Variants in TAPBPL observed in about 807,000 individuals in gnomAD.
TAPBPL encodes TAP binding protein like.
Under a neutral mutation model 44.8 loss-of-function variants are expected in TAPBPL, and 32 were observed. That is an observed-to-expected ratio of 0.71 (90% CI 0.54 to 0.96). The LOEUF is 0.96. Among genes scored for constraint, TAPBPL ranks in the 40% least tolerant of loss-of-function variants. The probability of loss-of-function intolerance (pLI) is 0.00; values close to 1 mark genes in which losing one functional copy is unlikely to be tolerated. For synonymous variants in TAPBPL, 230 were observed against 240.7 expected, an observed-to-expected ratio of 0.96 and a Z score of 0.41; for missense variants, 520 against 586.6, an observed-to-expected ratio of 0.89 and a Z score of 1.17.
At chr12:6,470,105 C>T (rs928441552), downstream of TAPBPL, among the ~76,000 whole-genome samples, 3 of 152,132 alleles carry the variant, frequency 2.0e-5, no homozygotes, top group African/African-American at 4.8e-5. Context: ...ACATAAGTTA[C>T]CAACTGGCAG....
At chr12:6,461,133 T>TA in intron 6 of TAPBPL, 195 bp downstream of exon 6, 2 of 1,407,368 alleles carry the variant, frequency 1.4e-6, no homozygotes, top group Non-Finnish European at 1.8e-6. Flanking sequence ...GCTACCTCAC[T>TA]AAAGTCTGTC....
downstream of TAPBPL, chr12:6,471,061 C>G (rs968336796): frequency 6.4e-6 from 1 of 157,156 alleles, no homozygotes; most frequent in Non-Finnish European, 1.4e-5. The surrounding 1 kb of genome is among the most constrained non-coding windows in gnomAD (Gnocchi z 4.0). Flanking sequence ...GGGACTCGCG[C>G]ATTCAGCTGG....
In TAPBPL at chr12:6,458,519, T is replaced by C. The variant is rs186280513; in HGVS notation, c.905-126T>C. 23 of 1,190,168 alleles carry C rather than the reference T, an allele frequency of 1.9e-5. 1 individual carries two copies. In the South Asian group the frequency reaches 3.3e-4, roughly 17 times the overall value. The allele number at this position is 1,190,168 out of a possible 1,614,324, so 73.7% of individuals were successfully genotyped here. A position where few individuals can be genotyped will look rare whatever the true frequency, so the allele number is the denominator to read the frequency against. On this transcript the variant is annotated intron_variant, in intron 4 of 6. Coordinates refer to ENST00000266556, the MANE Select transcript of TAPBPL (RefSeq NM_018009.5). ...GGCCCCTCACACACCCCCGCCTTGG[T>C]ACACCACCAAGGGACACTGTAGCCT...
chr12:6,456,903 T>C (rs1229701486), intron 3 of TAPBPL, among the ~76,000 whole-genome samples: 1 of 152,174 alleles, frequency 6.6e-6, no homozygotes, highest in African/African-American at 2.4e-5. Context: ...TCCACCCACC[T>C]CGGCCCCCCA....
At chr12:6,471,277 A>T (rs73042333), downstream of TAPBPL, among the ~76,000 whole-genome samples, 7,488 of 152,210 alleles carry the variant, frequency 0.049, 287 homozygotes, top group Non-Finnish European at 0.081. The surrounding 1 kb of genome is among the most constrained non-coding windows in gnomAD (Gnocchi z 4.0). Flanking sequence ...CTTTCAACAT[A>T]GCCTTCCTAA....
chr12:6,460,322 G>A (rs1949816574), intron 5 of TAPBPL, among the ~76,000 whole-genome samples: 1 of 152,156 alleles, frequency 6.6e-6, no homozygotes, highest in Non-Finnish European at 1.5e-5. Flanking sequence ...CTGGAGTGCA[G>A]TGGCACGATC....
chr12:6,457,991 A>G (rs1187662682), intron 4 of TAPBPL, among the ~76,000 whole-genome samples: 1 of 152,136 alleles, frequency 6.6e-6, no homozygotes, highest in Non-Finnish European at 1.5e-5. Context: ...GGCTGTCTCC[A>G]TCACCCCAGT....
At chr12:6,454,400 G>C (rs969123093) in intron 3 of TAPBPL, among the ~76,000 whole-genome samples, 1 of 152,030 alleles carries the variant, frequency 6.6e-6, no homozygotes, top group African/African-American at 2.4e-5. Flanking sequence ...CCTGAGAGAC[G>C]GTGGTTGCAG....
intron 1 of TAPBPL, 74 bp downstream of exon 1, chr12:6,452,386 T>C (rs1949572469): frequency 6.6e-7 from 1 of 1,522,204 alleles, no homozygotes; most frequent in East Asian, 2.5e-5. Flanking sequence ...CTCCCCGAGA[T>C]TCCAGAAGAG....
downstream of TAPBPL, chr12:6,462,713 G>A: frequency 1.9e-6 from 2 of 1,079,390 alleles, no homozygotes; most frequent in Non-Finnish European, 2.7e-6. Context: ...ACACATCGAG[G>A]ACAGTGGTGG....
Position 6,452,066 on chromosome 12 carries a change from G to A in TAPBPL, c.-183G>A. The A allele has an allele frequency of 4.4e-6, 3 of 684,504 alleles. No individual in the cohort carries two copies. The Admixed American group carries it at 8.2e-5, about 19-fold the overall frequency. The allele number at this position is 684,504 out of a possible 1,614,324, so 42.4% of individuals were successfully genotyped here. ...CAGACGGCTTCACACAGGGACGCGG[G>A]CTGCCATCTTGCTCTAAGTGAAAGT... On this transcript the variant is annotated 5_prime_UTR_variant, in exon 1 of 7. Transcript: ENST00000266556.
chr12:6,462,888 G>T, downstream of TAPBPL: 1 of 1,592,464 alleles, frequency 6.3e-7, no homozygotes. Context: ...CGAAAGGAAA[G>T]GAAGGATGGT....
chr12:6,471,947 A>C, the TAPBPL span, among the ~76,000 whole-genome samples: 1 of 152,156 alleles, frequency 6.6e-6, no homozygotes, highest in Non-Finnish European at 1.5e-5. This position sits in a 1 kb window ranked among gnomAD's most constrained non-coding sequence, Gnocchi z 4.0. Context: ...TCTATATTTC[A>C]CTCTTGTGCA....
the TAPBPL span, among the ~76,000 whole-genome samples, chr12:6,471,839 A>C: frequency 2.0e-5 from 3 of 152,050 alleles, no homozygotes; most frequent in African/African-American, 7.2e-5. This position sits in a 1 kb window ranked among gnomAD's most constrained non-coding sequence, Gnocchi z 4.0. Flanking sequence ...AAAAAAAAAG[A>C]AAAAAGGTTG....
At position 6,452,108 on chromosome 12, in the gene TAPBPL, G is replaced by A; in HGVS notation, c.-141G>A. The A allele has an allele frequency of 2.0e-6, 2 of 1,001,524 alleles. No homozygotes were observed. The highest frequency in any genetic ancestry group is 3.0e-6 in the Non-Finnish European group (2 of 664,802). The allele number at this position is 1,001,524 out of a possible 1,614,324, so 62.0% of individuals were successfully genotyped here. On this transcript the variant is annotated 5_prime_UTR_variant, in exon 1 of 7. Coordinates refer to ENST00000266556, the MANE Select transcript of TAPBPL (RefSeq NM_018009.5). ...AGTGAAAGTGAAAGAAAAGTCGGCA[G>A]CAGAGGGAACAGGGAAGAAACCTAA...
At chr12:6,454,068 C>G (rs1949639799) in intron 3 of TAPBPL, among the ~76,000 whole-genome samples, 1 of 151,890 alleles carries the variant, frequency 6.6e-6, no homozygotes, top group African/African-American at 2.4e-5. Context: ...TTTTGCTTTT[C>G]TAAAGTGGTA....
chr12:6,456,776 C>A (rs1277163117), intron 3 of TAPBPL, among the ~76,000 whole-genome samples: 1 of 152,140 alleles, frequency 6.6e-6, no homozygotes, highest in Non-Finnish European at 1.5e-5. Context: ...TCTCAGCCTC[C>A]CAAGTAGCTG....
chr12:6,465,040 A>C, downstream of TAPBPL: 3 of 1,560,052 alleles, frequency 1.9e-6, no homozygotes, highest in Admixed American at 1.9e-5. Context: ...TCCTTGGGAC[A>C]ATGGAAAAAA....
At chr12:6,457,813 G>C in intron 4 of TAPBPL, 69 bp downstream of exon 4, 2 of 1,424,950 alleles carry the variant, frequency 1.4e-6, no homozygotes, top group African/African-American at 1.4e-5. Context: ...TTCCAGATTG[G>C]GACCCAAATG....
Sources: gnomAD v4.1 joint callset for allele counts (sites outside exome capture counted in the v4.1 genomes callset) on GRCh38, gnomAD v4.1.1 for gene constraint, Gnocchi (gnomAD v3.1) non-coding constraint, MANE v1.5 for transcripts, NCBI Gene and HGNC (gene_info 2026-07-23, HGNC 2026-07-21) for gene names.